The following FMR1NB variants were observed in gnomAD, a reference collection of about 807,000 sequenced individuals.
FMR1NB encodes FMR1 neighbor.
In FMR1NB, 10 loss-of-function variants were observed where a neutral mutation model predicts 16.8. The observed-to-expected ratio is 0.60, with a 90% confidence interval of 0.37 to 1.01. The LOEUF is 1.01. Ranked by LOEUF, FMR1NB falls within the 50% of genes least tolerant of loss-of-function variation. The probability of loss-of-function intolerance (pLI) is 0.01; values close to 1 mark genes in which losing one functional copy is unlikely to be tolerated. For synonymous variants in FMR1NB, 83 were observed against 79.1 expected (o/e 1.05, Z -0.26); for missense variants, 205 against 204.8 (o/e 1.00, Z 0.00).
intron 4 of FMR1NB, among the ~76,000 whole-genome samples, chrX:148,011,783 T>C (rs1311475100): frequency 9.0e-6 from 1 of 111,031 alleles, no homozygotes; most frequent in Non-Finnish European, 1.9e-5. Context: ...TTATTTCATT[T>C]CCTAGCAGAT....
At chrX:147,985,340 T>C (rs186872858) in intron 1 of FMR1NB, among the ~76,000 whole-genome samples, 2 of 112,005 alleles carry the variant, frequency 1.8e-5, no homozygotes, top group African/African-American at 3.2e-5. Flanking sequence ...TTAAAAAAAG[T>C]TATGGGATAC....
At chrX:148,018,659 A>G (rs1354411198) in intron 4 of FMR1NB, among the ~76,000 whole-genome samples, 1 of 110,978 alleles carries the variant, frequency 9.0e-6, no homozygotes, top group African/African-American at 3.3e-5. Flanking sequence ...CTTACACCTT[A>G]TACAAAAATT....
In FMR1NB at chrX:147,981,650, G is replaced by A; in HGVS notation, c.248G>A (p.Cys83Tyr). The change falls in exon 1 of 6, where the codon TGC becomes TAC. Residue 83 changes from cysteine (C) to tyrosine (Y), a missense_variant. Physicochemically the swap from Cys to Tyr is radical, Grantham distance 194. Transcript: ENST00000370467. The part of the protein sequence containing the change: ...MLSIWILLFV[C>Y]YYLSYYLCSG... ...TCCATTTGGATCCTGCTGTTCGTGT[G>A]CTACTACCTGTCCTACTACCTGTGC... The A allele has an allele frequency of 8.8e-7, 1 of 1,132,112 alleles. No individual in the cohort carries two copies. Among genetic ancestry groups the A allele is most frequent in the Non-Finnish European group, 1.2e-6 (1 of 848,181 alleles). The allele number at this position is 1,132,112 out of a possible 1,213,427, so 93.3% of individuals were successfully genotyped here.
At chrX:147,986,518 A>G (rs782720557) in intron 1 of FMR1NB, among the ~76,000 whole-genome samples, 3 of 112,135 alleles carry the variant, frequency 2.7e-5, no homozygotes, top group South Asian at 3.7e-4. Flanking sequence ...GAAGGGGTCC[A>G]GTTTCTGCTT....
chrX:147,984,927 T>G (rs1408965483), intron 1 of FMR1NB, among the ~76,000 whole-genome samples: 2 of 112,329 alleles, frequency 1.8e-5, no homozygotes, highest in East Asian at 2.8e-4. Context: ...ATGCTTTTTT[T>G]GCATCAATTG....
At chrX:147,999,449 T>C (rs1395393400) in intron 1 of FMR1NB, among the ~76,000 whole-genome samples, 3 of 111,856 alleles carry the variant, frequency 2.7e-5, no homozygotes, top group Non-Finnish European at 5.6e-5. Flanking sequence ...TCTGGCAAAA[T>C]GTGCCTAGCA....
At chrX:147,995,949 C>T (rs1357698067) in intron 1 of FMR1NB, among the ~76,000 whole-genome samples, 2 of 111,942 alleles carry the variant, frequency 1.8e-5, no homozygotes, top group Non-Finnish European at 3.8e-5. Flanking sequence ...AGTCATTTTA[C>T]CTCTTTAGGC....
intron 4 of FMR1NB, among the ~76,000 whole-genome samples, chrX:148,018,826 G>T (rs2044664335): frequency 9.0e-6 from 1 of 111,585 alleles, no homozygotes; most frequent in South Asian, 3.8e-4. Flanking sequence ...TGACAAATGG[G>T]ATCTAATTAA....
intron 4 of FMR1NB, among the ~76,000 whole-genome samples, chrX:148,011,628 A>G (rs1264533736): frequency 9.0e-6 from 1 of 111,637 alleles, no homozygotes; most frequent in Non-Finnish European, 1.9e-5. Flanking sequence ...CAGGTTAAGT[A>G]GGAGAGGGCA....
At chrX:148,011,756 A>G (rs782819777) in intron 4 of FMR1NB, among the ~76,000 whole-genome samples, 1 of 110,955 alleles carries the variant, frequency 9.0e-6, no homozygotes, top group South Asian at 3.8e-4. Context: ...TGGTCTTCTC[A>G]CTATAGACAC....
chrX:148,024,722 C>A (rs1010571492), intron 4 of FMR1NB, 143 bp from the exon 5 acceptor site: 50 of 694,399 alleles, frequency 7.2e-5, no homozygotes, highest in Non-Finnish European at 1.0e-4. Context: ...TAATTTCTAT[C>A]GGATTTATTA....
At chrX:148,022,494 A>T (rs190647330) in intron 4 of FMR1NB, among the ~76,000 whole-genome samples, 1 of 112,595 alleles carries the variant, frequency 8.9e-6, no homozygotes, top group African/African-American at 3.2e-5. Flanking sequence ...TATTTAATAA[A>T]TGAGCAAATA....
At chrX:148,007,986 A>G (rs2044605510) in intron 3 of FMR1NB, 1 of 112,397 alleles carries the variant, frequency 8.9e-6, no homozygotes, top group Non-Finnish European at 1.9e-5. Context: ...GTGACTTACA[A>G]TTCCCCAATC....
chrX:148,009,005 C>A (rs1464927765), intron 4 of FMR1NB, among the ~76,000 whole-genome samples: 1 of 108,848 alleles, frequency 9.2e-6, no homozygotes, highest in African/African-American at 3.4e-5. Context: ...CATGGCGAAA[C>A]CCCGTTTCTA....
chrX:147,984,081 A>G (rs913880290), intron 1 of FMR1NB, among the ~76,000 whole-genome samples: 1 of 112,178 alleles, frequency 8.9e-6, no homozygotes, highest in Admixed American at 9.5e-5. Context: ...CTACGTGTCT[A>G]TCTCTATGCT....
intron 5 of FMR1NB, chrX:148,026,057 G>GATTT (rs2044702142): frequency 3.6e-5 from 4 of 110,330 alleles, no homozygotes; most frequent in Admixed American, 9.7e-5. Flanking sequence ...TATATATATG[G>GATTT]GATACATATT....
chrX:148,023,572 C>A (rs1246850273), intron 4 of FMR1NB, among the ~76,000 whole-genome samples: 1 of 111,980 alleles, frequency 8.9e-6, no homozygotes, highest in Non-Finnish European at 1.9e-5. Flanking sequence ...TCTTCTTCTG[C>A]ATGCTACCTA....
At chrX:147,987,051 G>T (rs1557187158) in intron 1 of FMR1NB, among the ~76,000 whole-genome samples, 2 of 110,967 alleles carry the variant, frequency 1.8e-5, no homozygotes, top group South Asian at 7.8e-4. Flanking sequence ...CTTGTAAGTT[G>T]TGTTCCTATG....
At chrX:147,987,612 ATCTG>A (rs1293440489) in intron 1 of FMR1NB, among the ~76,000 whole-genome samples, 2 of 111,228 alleles carry the variant, frequency 1.8e-5, no homozygotes, top group Non-Finnish European at 3.8e-5. Flanking sequence ...TATCTCGTTG[ATCTG>A]TCTAATATTG....
Sources: gnomAD v4.1 joint callset for allele counts (sites outside exome capture counted in the v4.1 genomes callset) on GRCh38, gnomAD v4.1.1 for gene constraint, MANE v1.5 for transcripts, NCBI Gene and HGNC (gene_info 2026-07-23, HGNC 2026-07-21) for gene names.